The following CAPN14 variants were observed in gnomAD, a reference collection of about 807,000 sequenced individuals.
CAPN14 encodes the protein calpain-14.
A neutral mutation model predicts 101.3 loss-of-function variants in CAPN14; 94 were observed. The ratio of observed to expected loss-of-function variants is 0.93; its 90% confidence interval spans 0.79 to 1.10. The LOEUF (loss-of-function observed/expected upper bound fraction) is 1.10. CAPN14 is among the 50% of genes least tolerant of loss of function. The pLI is 0.00. For missense variants in CAPN14, 837 were observed against 828.4 expected, an observed-to-expected ratio of 1.01 and a Z score of -0.13; for synonymous variants, 338 against 317.9, an observed-to-expected ratio of 1.06 and a Z score of -0.67.
chr2:31,224,949 T>C (rs1178662235), intron 2 of CAPN14, among the ~76,000 whole-genome samples: 1 of 152,036 alleles, frequency 6.6e-6, no homozygotes, highest in East Asian at 1.9e-4. Flanking sequence ...CTAAAATTAA[T>C]TCACAGTTTT....
intron 11 of CAPN14, 131 bp from the exon 12 acceptor site, chr2:31,191,538 C>A: frequency 1.2e-6 from 1 of 821,666 alleles, no homozygotes; most frequent in South Asian, 1.8e-5. Flanking sequence ...ACCCAGAAGC[C>A]GTGTCCCCTC....
chr2:31,230,839 G>GT lies in CAPN14; in HGVS notation c.-177+2951dup, dbSNP rs1683168884. Among the ~76,000 whole-genome samples, 2 of 152,060 alleles carry GT rather than the reference G, an allele frequency of 1.3e-5. No homozygotes were observed. The highest frequency in any genetic ancestry group is 2.1e-4 in the South Asian group (1 of 4,828). On this transcript the variant is annotated intron_variant and NMD_transcript_variant, in intron 1 of 21. Coordinates refer to the CAPN14 transcript ENST00000398824. The surrounding 1 kb of genome is among the most constrained non-coding windows in gnomAD (Gnocchi z 4.3). ...TTAAATTTTGCTAGTGCTAAACTTA[G>GT]TTTTTTTCATTTTTCAGTTTGTGCT...
rs1473309850 is a variant in CAPN14, at chr2:31,173,233, T to C, written c.*1448A>G. 1 of 152,252 alleles carries C rather than the reference T, an allele frequency of 6.6e-6. No individual in the cohort carries two copies. The highest frequency in any genetic ancestry group is 1.5e-5 in the Non-Finnish European group (1 of 68,040). 9.4% of individuals were successfully genotyped at this position (152,252 alleles called of 1,614,324 possible). On this transcript the variant is annotated 3_prime_UTR_variant, in exon 22 of 22. Transcript: ENST00000403897. ...TCTGGCACTTTATGGAAACCCATTTTACATTTTATCATTTGGAATAAATGA... is the reference window on the plus strand; with the variant it reads ...TCTGGCACTTTATGGAAACCCATTTCACATTTTATCATTTGGAATAAATGA...
chr2:31,232,154 G>A (rs541017917), intron 1 of CAPN14, among the ~76,000 whole-genome samples: 93 of 152,258 alleles, frequency 6.1e-4, no homozygotes, highest in Middle Eastern at 3.4e-3. Context: ...AACGCAACAC[G>A]TTTTAGATTG....
intron 1 of CAPN14, among the ~76,000 whole-genome samples, chr2:31,229,339 C>G (rs997468171): frequency 6.6e-6 from 1 of 151,938 alleles, no homozygotes; most frequent in Non-Finnish European, 1.5e-5. Flanking sequence ...AATAAAGGAG[C>G]CAGGTGTAGT....
chr2:31,201,622 T>C (rs1681783049), intron 5 of CAPN14, among the ~76,000 whole-genome samples: 1 of 152,210 alleles, frequency 6.6e-6, no homozygotes, highest in Non-Finnish European at 1.5e-5. Context: ...GGACAGAATA[T>C]ACACTCAGAG....
chr2:31,208,984 A>T (rs922282459), intron 1 of CAPN14, among the ~76,000 whole-genome samples: 1 of 151,906 alleles, frequency 6.6e-6, no homozygotes, highest in African/African-American at 2.4e-5. Flanking sequence ...ATTATTTTTT[A>T]TTAGAGACAG....
chr2:31,210,460 CATAAA>C (rs10550181), intron 1 of CAPN14, among the ~76,000 whole-genome samples: 126 of 150,728 alleles, frequency 8.4e-4, no homozygotes, highest in South Asian at 5.2e-3. Flanking sequence ...AAAAATAAAA[CATAAA>C]ATAAAATAAA....
At chr2:31,212,763 G>A (rs2148700256) in intron 1 of CAPN14, among the ~76,000 whole-genome samples, 1 of 152,350 alleles carries the variant, frequency 6.6e-6, no homozygotes, top group South Asian at 2.1e-4. Flanking sequence ...GACTGGGAAT[G>A]TAACACCTGG....
In CAPN14 at chr2:31,208,042, C is replaced by T. The variant is rs554635036; in HGVS notation, c.-52-2543G>A. ...CTCTGAGAGCTGAGGGCAGTCGATT[C>T]CTGGCTATTCTTATTTGTCACGGGT... On this transcript the variant is annotated intron_variant, in intron 1 of 21. Coordinates refer to ENST00000403897, the MANE Select transcript of CAPN14 (RefSeq NM_001145122.2). Among the ~76,000 whole-genome samples, 4 of 152,206 alleles carry T rather than the reference C, an allele frequency of 2.6e-5. No individual in the cohort carries two copies. In the East Asian group the frequency reaches 7.7e-4, roughly 29 times the overall value.
In CAPN14 at chr2:31,211,671, G is replaced by GCACACACACA. The variant is rs34380519; in HGVS notation, c.-53+5775_-53+5784dup. On this transcript the variant is annotated intron_variant, in intron 1 of 21. Coordinates refer to ENST00000403897, the MANE Select transcript of CAPN14 (RefSeq NM_001145122.2). Reference sequence around the variant, plus strand: ...TTATTAAATGAGCACGTGTGCATGTGCACACACACACACACACACACACAC... The same window carrying GCACACACACA: ...TTATTAAATGAGCACGTGTGCATGTGCACACACACACACACACACACACACACACACACAC... 8.6e-4 allele frequency among the ~76,000 whole-genome samples: 128 copies of GCACACACACA among 149,458 alleles called. 1 individual carries two copies. The highest frequency in any genetic ancestry group is 3.4e-3 in the Middle Eastern group (1 of 292).
At chr2:31,194,340 A>C in intron 9 of CAPN14, 69 bp downstream of exon 9, 1 of 1,224,526 alleles carries the variant, frequency 8.2e-7, no homozygotes, top group Non-Finnish European at 1.2e-6. Flanking sequence ...TAAGGCATCC[A>C]ATAAATGTCT....
At position 31,174,602 on chromosome 2, in the gene CAPN14, G is replaced by A. The variant is rs551606657; in HGVS notation, c.*79C>T. 1.1e-5 allele frequency: 16 copies of A among 1,432,906 alleles called. No individual in the cohort carries two copies. Among genetic ancestry groups the A allele is most frequent in the Non-Finnish European group, 1.3e-5 (14 of 1,040,948 alleles). The allele number at this position is 1,432,906 out of a possible 1,614,324, so 88.8% of individuals were successfully genotyped here. A position where few individuals can be genotyped will look rare whatever the true frequency, so the allele number is the denominator to read the frequency against. On this transcript the variant is annotated 3_prime_UTR_variant, in exon 22 of 22. Coordinates refer to ENST00000403897, the MANE Select transcript of CAPN14 (RefSeq NM_001145122.2). ...TCCTGAAGATCAGTAAGTAGGGTGG[G>A]CATGGGTTGGTCTCAGCCAAAGGCT...
intron 16 of CAPN14, among the ~76,000 whole-genome samples, chr2:31,185,263 G>A (rs912476850): frequency 6.6e-6 from 1 of 152,100 alleles, no homozygotes; most frequent in African/African-American, 2.4e-5. Flanking sequence ...GCCTGTAACT[G>A]GATAGAATTA....
chr2:31,184,506 C>T lies in CAPN14; in HGVS notation c.1645+1922G>A, dbSNP rs115402115. Among the ~76,000 whole-genome samples, 1,001 of 152,298 alleles carry T rather than the reference C, an allele frequency of 6.6e-3. 8 individuals are homozygous for T. The highest frequency in any genetic ancestry group is 0.022 in the African/African-American group (930 of 41,568). The stretch of plus-strand genomic sequence containing the variant: ...ATGGTGCCAAGATTTGAACACAGTC[C>T]TCCAGATGCAATTTGATTGAACAGA... On this transcript the variant is annotated intron_variant, in intron 16 of 21. Coordinates refer to ENST00000403897, the MANE Select transcript of CAPN14 (RefSeq NM_001145122.2).
chr2:31,214,981 ATC>A (rs1221332092), intron 1 of CAPN14, among the ~76,000 whole-genome samples: 2 of 115,870 alleles, frequency 1.7e-5, no homozygotes, highest in East Asian at 3.4e-4. Context: ...CTGGGGCATC[ATC>A]TCTTCTCTCC....
chr2:31,181,386 T>TTCTTTC (rs1171284901), intron 16 of CAPN14, among the ~76,000 whole-genome samples: 1 of 131,202 alleles, frequency 7.6e-6, no homozygotes, highest in Non-Finnish European at 1.6e-5. Flanking sequence ...TCTTTTCTTT[T>TTCTTTC]TTTCTTTCTT....
Position 31,192,008 on chromosome 2 carries a change from G to A in CAPN14, c.1205C>T (p.Ser402Phe). Residue 402 changes from serine to phenylalanine, a missense_variant, in exon 11 of 22, where the codon TCC becomes TTC. Coordinates refer to ENST00000403897, the MANE Select transcript of CAPN14 (RefSeq NM_001145122.2). ...CCTGTGCCTGGGCTTCTGGAGCAGGGACACCAGCACGCTGCAGGGCCTCAG... is the reference window on the plus strand; with the variant it reads ...CCTGTGCCTGGGCTTCTGGAGCAGGAACACCAGCACGCTGCAGGGCCTCAG... ...RSLRPCSVLV[S>F]LLQKPRHRCR... 1 of 1,551,618 alleles carries A rather than the reference G, an allele frequency of 6.4e-7. No individual in the cohort carries two copies. The highest frequency in any genetic ancestry group is 8.7e-7 in the Non-Finnish European group (1 of 1,146,962).
At chr2:31,227,457 T>A (rs1683059282) in intron 1 of CAPN14, among the ~76,000 whole-genome samples, 1 of 152,210 alleles carries the variant, frequency 6.6e-6, no homozygotes, top group Non-Finnish European at 1.5e-5. Flanking sequence ...CCCTCACCTG[T>A]GTATTTTTAT....
Sources: allele counts gnomAD v4.1 joint callset (sites outside exome capture counted in the v4.1 genomes callset), GRCh38; gene constraint gnomAD v4.1.1; non-coding constraint Gnocchi (gnomAD v3.1); transcripts MANE v1.5; gene names NCBI Gene and HGNC (gene_info 2026-07-23, HGNC 2026-07-21).